DIP2C: variants seen among roughly 807,000 people sequenced by gnomAD.
DIP2C encodes disco-interacting protein 2 homolog C.
DIP2C carries 33 observed loss-of-function variants against 192.4 expected under a neutral mutation model. That is an observed-to-expected ratio of 0.17 (90% CI 0.13 to 0.23). The LOEUF is 0.23. Among genes scored for constraint, DIP2C ranks in the 10% least tolerant of loss-of-function variants. The pLI, the probability that DIP2C is intolerant of heterozygous loss-of-function variation, is 1.00. For missense variants in DIP2C, 1,537 were observed against 2,110.1 expected, an observed-to-expected ratio of 0.73 and a Z score of 5.32; for synonymous variants, 979 against 864.1, an observed-to-expected ratio of 1.13 and a Z score of -2.33.
At chr10:431,488 T>A (rs533210715) in intron 4 of DIP2C, among the ~76,000 whole-genome samples, 19 of 152,354 alleles carry the variant, frequency 1.2e-4, no homozygotes, top group Non-Finnish European at 2.8e-4. Flanking sequence ...GGTTTTGCCA[T>A]GTTGGCCAGG....
intron 29 of DIP2C, among the ~76,000 whole-genome samples, chr10:335,103 G>A (rs950992541): frequency 2.0e-5 from 3 of 152,098 alleles, no homozygotes; most frequent in East Asian, 1.9e-4. Context: ...TTTAAAAACA[G>A]GTGTAATCTT....
intron 1 of DIP2C, among the ~76,000 whole-genome samples, chr10:613,817 A>C (rs1052141627): frequency 6.6e-6 from 1 of 151,406 alleles, no homozygotes; most frequent in African/African-American, 2.4e-5. Flanking sequence ...GTGCCCCGGG[A>C]AACATGGCGT....
intron 24 of DIP2C, among the ~76,000 whole-genome samples, chr10:350,930 G>C (rs756596729): frequency 6.6e-6 from 1 of 152,182 alleles, no homozygotes; most frequent in Admixed American, 6.5e-5. Context: ...ACAGGTGTGA[G>C]CCATCATGCC....
intron 31 of DIP2C, among the ~76,000 whole-genome samples, chr10:325,443 C>T (rs1957233326): frequency 1.3e-5 from 2 of 152,194 alleles, no homozygotes; most frequent in Admixed American, 6.5e-5. Context: ...CTCCCTTCAG[C>T]GCCACCTTGA....
rs956458865 is a variant in DIP2C at position 356,216 on chromosome 10, G to A, written c.2985+210C>T. ...TTGTAAATAGGTTGCTAAAATATCT[G>A]TACACACAAATAGGTGTAAATAACT... On this transcript the variant is annotated intron_variant, in intron 24 of 36. Coordinates refer to ENST00000280886, the MANE Select transcript of DIP2C (RefSeq NM_014974.3). The A allele has an allele frequency of 7.8e-6, 5 of 637,640 alleles. No homozygotes were observed. The East Asian group carries it at 8.2e-5, about 10-fold the overall frequency. 39.5% of individuals were successfully genotyped at this position (637,640 alleles called of 1,614,324 possible). A position where few individuals can be genotyped will look rare whatever the true frequency, so the allele number is the denominator to read the frequency against.
intron 14 of DIP2C, among the ~76,000 whole-genome samples, chr10:386,850 G>T (rs998605418): frequency 3.3e-5 from 5 of 152,148 alleles, no homozygotes; most frequent in Admixed American, 3.3e-4. Context: ...GAAACAGATG[G>T]GGGGAGCGTC....
chr10:291,972 C>T lies in DIP2C; in HGVS notation c.3987-3551G>A, dbSNP rs190544479. Among the ~76,000 whole-genome samples the T allele has an allele frequency of 4.9e-4, 74 of 152,350 alleles. No homozygotes were observed. In the East Asian group the frequency reaches 0.013, roughly 28 times the overall value. The stretch of plus-strand genomic sequence containing the variant: ...ACAGGCTCAGCCAGGCTGGCCCTCT[C>T]CTGCGGGAAGTGTGACTGAGCCACC... On this transcript the variant is annotated intron_variant, in intron 32 of 36. Transcript: ENST00000280886.
At chr10:509,132 G>A (rs955141828) in intron 1 of DIP2C, among the ~76,000 whole-genome samples, 1 of 152,180 alleles carries the variant, frequency 6.6e-6, no homozygotes, top group African/African-American at 2.4e-5. Flanking sequence ...CACTCACGAT[G>A]CTTGACCATA....
At chr10:345,325 T>C (rs1314703618) in intron 26 of DIP2C, among the ~76,000 whole-genome samples, 1 of 149,916 alleles carries the variant, frequency 6.7e-6, no homozygotes, top group Non-Finnish European at 1.5e-5. Flanking sequence ...AGCTGCTGCA[T>C]CTGCACTTCC....
chr10:548,323 G>A (rs574628594), intron 1 of DIP2C, among the ~76,000 whole-genome samples: 2 of 151,272 alleles, frequency 1.3e-5, no homozygotes, highest in South Asian at 2.1e-4. Context: ...TGGAAGGGAA[G>A]AAACTTGCAT....
chr10:558,905 C>T (rs891529215), intron 1 of DIP2C, among the ~76,000 whole-genome samples: 1 of 152,104 alleles, frequency 6.6e-6, no homozygotes, highest in African/African-American at 2.4e-5. Context: ...CAGCAGGACC[C>T]CAGACACCAC....
chr10:581,395 A>T (rs558942215), intron 1 of DIP2C, among the ~76,000 whole-genome samples: 1 of 152,348 alleles, frequency 6.6e-6, no homozygotes, highest in Admixed American at 6.5e-5. Context: ...TAGGAATACA[A>T]AAGTCAAGGG....
chr10:492,131 G>A (rs559418663), intron 1 of DIP2C, among the ~76,000 whole-genome samples: 4 of 152,144 alleles, frequency 2.6e-5, no homozygotes, highest in East Asian at 1.9e-4. Flanking sequence ...CAGACGCCGC[G>A]GGCCCCCGTG....
intron 2 of DIP2C, among the ~76,000 whole-genome samples, chr10:486,197 C>T (rs774428686): frequency 1.3e-5 from 2 of 152,220 alleles, no homozygotes; most frequent in African/African-American, 4.8e-5. Context: ...ACGATTATAG[C>T]ATTTTAAAGT....
At chr10:408,888 T>C (rs1393673651) in intron 9 of DIP2C, 38 bp downstream of exon 9, 1 of 1,604,536 alleles carries the variant, frequency 6.2e-7, no homozygotes, top group Non-Finnish European at 8.5e-7. Flanking sequence ...CACAGGACTC[T>C]TGTGTTTTGT....
intron 1 of DIP2C, among the ~76,000 whole-genome samples, chr10:640,855 G>A (rs1227727526): frequency 6.6e-6 from 1 of 152,088 alleles, no homozygotes; most frequent in East Asian, 1.9e-4. Flanking sequence ...AGTGGCAGCA[G>A]CAAGGGTGTT....
intron 1 of DIP2C, among the ~76,000 whole-genome samples, chr10:688,211 C>T (rs1419099622): frequency 6.6e-6 from 1 of 152,164 alleles, no homozygotes; most frequent in African/African-American, 2.4e-5. Flanking sequence ...CTCAGGAGGG[C>T]AGCAGCCAAG....
At chr10:552,492 T>C (rs531886381) in intron 1 of DIP2C, among the ~76,000 whole-genome samples, 203 of 152,344 alleles carry the variant, frequency 1.3e-3, no homozygotes, top group African/African-American at 4.2e-3. Context: ...GACTAAGTAT[T>C]AAATATTCAA....
At chr10:444,730 C>A (rs1043523570) in intron 3 of DIP2C, among the ~76,000 whole-genome samples, 1 of 152,234 alleles carries the variant, frequency 6.6e-6, no homozygotes, top group Non-Finnish European at 1.5e-5. Context: ...GCTCCTGGAA[C>A]TCATCGCCGT....
Sources: gnomAD v4.1 joint callset for allele counts (sites outside exome capture counted in the v4.1 genomes callset) on GRCh38, gnomAD v4.1.1 for gene constraint, MANE v1.5 for transcripts, NCBI Gene and HGNC (gene_info 2026-07-23, HGNC 2026-07-21) for gene names.